The following SMAD2 variants were observed in gnomAD, a reference collection of about 807,000 sequenced individuals.
SMAD2 encodes the protein SMAD family member 2.
In SMAD2, 8 loss-of-function variants were observed where a neutral mutation model predicts 64.4. The ratio of observed to expected loss-of-function variants is 0.12; its 90% CI spans 0.07 to 0.22. The LOEUF is 0.22. SMAD2 is among the 10% of genes least tolerant of loss of function. The pLI is 1.00. For synonymous variants in SMAD2, 203 were observed against 195.8 expected, an observed-to-expected ratio of 1.04 and a Z score of -0.31; for missense variants, 289 against 561.2, an observed-to-expected ratio of 0.51 and a Z score of 4.90.
In SMAD2 at chr18:47,818,827, G is replaced by A. The variant is rs1435192243; in HGVS notation, c.*23000C>T. 1.3e-5 allele frequency: 2 copies of A among 152,194 alleles called. No individual in the cohort carries two copies. The highest frequency in any genetic ancestry group is 2.9e-5 in the Non-Finnish European group (2 of 68,038). 9.4% of individuals were successfully genotyped at this position (152,194 alleles called of 1,614,324 possible). A position where few individuals can be genotyped will look rare whatever the true frequency, so the allele number is the denominator to read the frequency against. ...AACTTTTGGTTCACAGCTTTCATAA[G>A]ATTACCTATTCTGCATGTTTACCCA... is the stretch of plus-strand genomic sequence containing the variant. On this transcript the variant is annotated 3_prime_UTR_variant, in exon 11 of 11. Coordinates refer to ENST00000262160, the MANE Select transcript of SMAD2 (RefSeq NM_005901.6).
At chr18:47,879,495 C>CACGTGTGTGTGTGT (rs150623286) in intron 2 of SMAD2, among the ~76,000 whole-genome samples, 98 of 141,440 alleles carry the variant, frequency 6.9e-4, no homozygotes, top group Non-Finnish European at 1.2e-4. Context: ...ATGTATATGA[C>CACGTGTGTGTGTGT]GTGTGTGTGT....
In SMAD2 at chr18:47,826,990, T is replaced by C. The variant is rs529248208; in HGVS notation, c.*14837A>G. On this transcript the variant is annotated 3_prime_UTR_variant, in exon 11 of 11. Coordinates refer to ENST00000262160, the MANE Select transcript of SMAD2 (RefSeq NM_005901.6). The stretch of plus-strand genomic sequence containing the variant: ...ACTTTAAGGTAGACTGATGAAAAGA[T>C]TTATCTAAAGTCACATAAATTGGCA... The C allele has an allele frequency of 6.6e-6, 1 of 152,290 alleles. No homozygotes were observed. Among genetic ancestry groups the C allele is most frequent in the Non-Finnish European group, 1.5e-5 (1 of 68,024 alleles). 9.4% of individuals were successfully genotyped at this position (152,290 alleles called of 1,614,324 possible). A position where few individuals can be genotyped will look rare whatever the true frequency, so the allele number is the denominator to read the frequency against.
chr18:47,879,036 G>A (rs956436658), intron 2 of SMAD2, among the ~76,000 whole-genome samples: 8 of 152,238 alleles, frequency 5.3e-5, no homozygotes, highest in Non-Finnish European at 8.8e-5. Context: ...TCAGGAGGCC[G>A]AGACTTGAGC....
chr18:47,856,243 A>AT (rs2030669650), intron 6 of SMAD2, among the ~76,000 whole-genome samples: 1 of 152,078 alleles, frequency 6.6e-6, no homozygotes, highest in African/African-American at 2.4e-5. Context: ...AAAGTTGCAG[A>AT]TATGTAAGAT....
At position 47,829,733 on chromosome 18, in the gene SMAD2, T is replaced by A. The variant is rs912012695; in HGVS notation, c.*12094A>T. Reference sequence around the variant, plus strand: ...GTATGACATGTCACATAGAAATTGTTAGAGACTTTGAATCCTAAAATTTAG... The same window carrying A: ...GTATGACATGTCACATAGAAATTGTAAGAGACTTTGAATCCTAAAATTTAG... On this transcript the variant is annotated 3_prime_UTR_variant, in exon 11 of 11. Transcript: ENST00000262160. 1.3e-5 allele frequency: 2 copies of A among 152,222 alleles called. No individual in the cohort carries two copies. The highest frequency in any genetic ancestry group is 4.8e-5 in the African/African-American group (2 of 41,448). 9.4% of individuals were successfully genotyped at this position (152,222 alleles called of 1,614,324 possible).
rs554216321 is a variant in SMAD2 at position 47,869,271 on chromosome 18, A to G, written c.492T>C (p.Pro164=). 4.3e-6 allele frequency: 7 copies of G among 1,613,610 alleles called. No homozygotes were observed. Among genetic ancestry groups the G allele is most frequent in the African/African-American group, 1.3e-5 (1 of 74,900 alleles). ...NLKKDEVCVN[P]YHYQRVETPV... The stretch of plus-strand genomic sequence containing the variant: ...GTGTCTCAACTCTCTGATAGTGGTA[A>G]GGGTTTACACATACTTCATCCTTTT... The change falls in exon 4 of 11, where the codon CCT becomes CCC. Residue 164 remains proline, a synonymous_variant. Coordinates refer to ENST00000262160, the MANE Select transcript of SMAD2 (RefSeq NM_005901.6).
Position 47,822,258 on chromosome 18 carries a change from T to A in SMAD2, c.*19569A>T, listed in dbSNP as rs1246822484. ...TTATGGTAAACTCTCATCAGATTTTTAATCATGGTTATTCTAAGTTTTTGT... is the reference window on the plus strand; with the variant it reads ...TTATGGTAAACTCTCATCAGATTTTAAATCATGGTTATTCTAAGTTTTTGT... On this transcript the variant is annotated 3_prime_UTR_variant, in exon 11 of 11. Coordinates refer to ENST00000262160, the MANE Select transcript of SMAD2 (RefSeq NM_005901.6). 6.6e-6 allele frequency: 1 copy of A among 152,240 alleles called. No homozygotes were observed. Among genetic ancestry groups the A allele is most frequent in the Non-Finnish European group, 1.5e-5 (1 of 68,034 alleles). 9.4% of individuals were successfully genotyped at this position (152,240 alleles called of 1,614,324 possible).
At position 47,878,054 on chromosome 18, in the gene SMAD2, A is replaced by ACAGT. The variant is rs1225253120; in HGVS notation, c.237-7494_237-7491dup. Among the ~76,000 whole-genome samples, 3 of 152,214 alleles carry ACAGT rather than the reference A, an allele frequency of 2.0e-5. No homozygotes were observed. The East Asian group carries it at 5.8e-4, about 29-fold the overall frequency. On this transcript the variant is annotated intron_variant, in intron 2 of 10. Coordinates refer to ENST00000262160, the MANE Select transcript of SMAD2 (RefSeq NM_005901.6). ...TGAAATAGTAACCATTCAAAAACAA[A>ACAGT]CAGTCACCAAATGTGCATTCCGGTA...
chr18:47,852,131 CT>C (rs2030163711), intron 6 of SMAD2, among the ~76,000 whole-genome samples: 1 of 152,112 alleles, frequency 6.6e-6, no homozygotes, highest in Non-Finnish European at 1.5e-5. Context: ...CTGTTCTTTT[CT>C]TTTGCGATGT....
chr18:47,851,130 C>T (rs1281136919), intron 7 of SMAD2, 144 bp downstream of exon 7: 6 of 575,980 alleles, frequency 1.0e-5, no homozygotes, highest in Non-Finnish European at 1.9e-5. Context: ...TTAAAAAGCA[C>T]TACTTTAACC....
At chr18:47,881,209 G>A (rs994032114) in intron 2 of SMAD2, among the ~76,000 whole-genome samples, 2 of 152,186 alleles carry the variant, frequency 1.3e-5, no homozygotes, top group Admixed American at 1.3e-4. Flanking sequence ...TATTGAGGGA[G>A]TGTCAGTCTG....
intron 1 of SMAD2, among the ~76,000 whole-genome samples, chr18:47,897,555 A>G (rs1382335401): frequency 1.3e-5 from 2 of 152,260 alleles, no homozygotes; most frequent in African/African-American, 4.8e-5. Flanking sequence ...ACATGTATAC[A>G]TACAACTAAC....
chr18:47,908,067 T>G (rs1057388753), intron 1 of SMAD2, among the ~76,000 whole-genome samples: 1 of 152,232 alleles, frequency 6.6e-6, no homozygotes, highest in African/African-American at 2.4e-5. Flanking sequence ...ATAGACTTCT[T>G]TACTGAAGAA....
chr18:47,863,206 T>C lies in SMAD2; in HGVS notation c.730+1853A>G, dbSNP rs142704386. On this transcript the variant is annotated intron_variant, in intron 6 of 10. Coordinates refer to ENST00000262160, the MANE Select transcript of SMAD2 (RefSeq NM_005901.6). ...AATTGGAGCCCTGCATCAGTCAGAA[T>C]TGTTTCTTGCCATGGCCCCAAGAGA... Among the ~76,000 whole-genome samples, 5 of 152,320 alleles carry C rather than the reference T, an allele frequency of 3.3e-5. No individual in the cohort carries two copies. In the East Asian group the frequency reaches 9.7e-4, roughly 29 times the overall value.
intron 8 of SMAD2, among the ~76,000 whole-genome samples, chr18:47,847,367 T>C (rs1914601197): frequency 6.6e-6 from 1 of 151,932 alleles, no homozygotes. Context: ...GAGGTAATGG[T>C]TAATTAGAAA....
chr18:47,848,344 G>T, intron 8 of SMAD2, 131 bp downstream of exon 8: 1 of 716,668 alleles, frequency 1.4e-6, no homozygotes, highest in Non-Finnish European at 2.5e-6. Flanking sequence ...GCACTTAAAT[G>T]TGTCGGCACT....
chr18:47,871,612 A>C (rs2031938457), intron 2 of SMAD2, among the ~76,000 whole-genome samples: 1 of 152,196 alleles, frequency 6.6e-6, no homozygotes, highest in African/African-American at 2.4e-5. Flanking sequence ...CGACAGTTCA[A>C]AACAAAACCT....
At chr18:47,872,891 G>A (rs912191665) in intron 2 of SMAD2, among the ~76,000 whole-genome samples, 2 of 152,110 alleles carry the variant, frequency 1.3e-5, no homozygotes, top group Admixed American at 1.3e-4. Context: ...AATGTGCATA[G>A]GTTATATGCA....
chr18:47,907,628 G>C (rs2033956994), intron 1 of SMAD2, among the ~76,000 whole-genome samples: 1 of 152,150 alleles, frequency 6.6e-6, no homozygotes, highest in Non-Finnish European at 1.5e-5. Flanking sequence ...TATCTTGAGA[G>C]GTAATCACAC....
Sources: allele counts gnomAD v4.1 joint callset (sites outside exome capture counted in the v4.1 genomes callset), GRCh38; gene constraint gnomAD v4.1.1; transcripts MANE v1.5; gene names NCBI Gene and HGNC (gene_info 2026-07-23, HGNC 2026-07-21).